GABRA1: variants seen among roughly 807,000 people sequenced by gnomAD.
The protein encoded by GABRA1 is gamma-aminobutyric acid receptor subunit alpha-1.
A neutral mutation model predicts 48.9 loss-of-function variants in GABRA1; 9 were observed. The observed-to-expected ratio is 0.18, with a 90% CI of 0.11 to 0.32. The LOEUF (loss-of-function observed/expected upper bound fraction) is 0.32. GABRA1 is among the 10% of genes least tolerant of loss of function. GABRA1 has a pLI of 1.00. For missense variants in GABRA1, 285 were observed against 553.8 expected (o/e 0.51, Z 4.87); for synonymous variants, 210 against 198.7 (o/e 1.06, Z -0.48).
intron 6 of GABRA1, among the ~76,000 whole-genome samples, chr5:161,879,170 A>G (rs1754499554): frequency 6.6e-6 from 1 of 152,146 alleles, no homozygotes. Flanking sequence ...GTGCAGTGGC[A>G]CAATCAGGGC....
At chr5:161,863,838 G>C (rs142103709) in intron 3 of GABRA1, among the ~76,000 whole-genome samples, 1 of 151,776 alleles carries the variant, frequency 6.6e-6, no homozygotes, top group Admixed American at 6.6e-5. Flanking sequence ...TAGAGTAGCA[G>C]CCCCAAATAA....
chr5:161,882,834 G>T, intron 7 of GABRA1, 133 bp downstream of exon 7: 1 of 884,512 alleles, frequency 1.1e-6, no homozygotes, highest in Non-Finnish European at 1.8e-6. Context: ...GTTGAGCTGG[G>T]AACTAATGTA....
chr5:161,861,061 A>G (rs1051241285), intron 3 of GABRA1, among the ~76,000 whole-genome samples: 15 of 151,790 alleles, frequency 9.9e-5, no homozygotes, highest in African/African-American at 3.4e-4. Flanking sequence ...ACAGAATGCC[A>G]TTTTTGGAAA....
chr5:161,882,389 A>G lies in GABRA1; in HGVS notation c.560-169A>G. The G allele has an allele frequency of 9.7e-6, 6 of 621,318 alleles. No individual in the cohort carries two copies. The South Asian group carries it at 1.2e-4, about 12-fold the overall frequency. The allele number at this position is 621,318 out of a possible 1,614,324, so 38.5% of individuals were successfully genotyped here. A position where few individuals can be genotyped will look rare whatever the true frequency, so the allele number is the denominator to read the frequency against. On this transcript the variant is annotated intron_variant, in intron 6 of 9. Coordinates refer to ENST00000393943, the MANE Select transcript of GABRA1 (RefSeq NM_001127644.2). ...GTGAATAAATGACTAAAAAAAAAAA[A>G]TCAGAAAACGTGTTTTAGTTTTTGT...
At chr5:161,860,558 A>T (rs2113333978) in intron 3 of GABRA1, among the ~76,000 whole-genome samples, 1 of 151,972 alleles carries the variant, frequency 6.6e-6, no homozygotes, top group South Asian at 2.1e-4. Flanking sequence ...AATGACTAAG[A>T]CCTAGTATTT....
intron 7 of GABRA1, among the ~76,000 whole-genome samples, chr5:161,889,833 T>C (rs887821658): frequency 2.0e-5 from 3 of 152,116 alleles, no homozygotes; most frequent in African/African-American, 7.2e-5. Context: ...TGATTATCTG[T>C]TCAAAAATGT....
Position 161,897,097 on chromosome 5 carries a change from CTT to C in GABRA1, c.1060-12_1060-11del. 6.2e-7 allele frequency: 1 copy of C among 1,613,394 alleles called. No homozygotes were observed. Among genetic ancestry groups the C allele is most frequent in the Non-Finnish European group, 8.5e-7 (1 of 1,179,446 alleles). ...TGTTTACTAAACAAAATGCATTGCT[CTT>C]TCTTTCTACAGCCAAAGAAAGTAAA... On this transcript the variant is annotated splice_polypyrimidine_tract_variant and intron_variant, in intron 9 of 9. Transcript: ENST00000393943.
At position 161,882,371 on chromosome 5, in the gene GABRA1, A is replaced by C. The variant is rs538527202; in HGVS notation, c.560-187A>C. On this transcript the variant is annotated intron_variant, in intron 6 of 9. Transcript: ENST00000393943. ...TAACCATTTGTTGGAAGAGTGAATA[A>C]ATGACTAAAAAAAAAAAATCAGAAA... 2.2e-5 allele frequency: 11 copies of C among 491,678 alleles called. No individual in the cohort carries two copies. The African/African-American group carries it at 5.0e-4, about 22-fold the overall frequency. 30.5% of individuals were successfully genotyped at this position (491,678 alleles called of 1,614,324 possible). A position where few individuals can be genotyped will look rare whatever the true frequency, so the allele number is the denominator to read the frequency against.
At chr5:161,895,533 C>A (rs771842604) in intron 8 of GABRA1, 133 bp from the exon 9 acceptor site, 39 of 822,608 alleles carry the variant, frequency 4.7e-5, no homozygotes, top group Non-Finnish European at 6.8e-5. Context: ...AATTCTAAAC[C>A]AAAATAAGAT....
Position 161,897,474 on chromosome 5 carries a change from T to C in GABRA1, c.*52T>C, listed in dbSNP as rs1397261000. On this transcript the variant is annotated 3_prime_UTR_variant, in exon 10 of 10. Transcript: ENST00000393943. ...GTCCTCTGCACTGGGAATTTATTTATGTTCTCAACGCAGTAATTCCCATCT... is the reference window on the plus strand; with the variant it reads ...GTCCTCTGCACTGGGAATTTATTTACGTTCTCAACGCAGTAATTCCCATCT... 1.4e-6 allele frequency: 2 copies of C among 1,477,580 alleles called. No homozygotes were observed. The highest frequency in any genetic ancestry group is 1.9e-6 in the Non-Finnish European group (2 of 1,058,066). 91.5% of individuals were successfully genotyped at this position (1,477,580 alleles called of 1,614,324 possible).
rs1253745357 is a variant in GABRA1, at chr5:161,873,103, C to G, written c.256-14C>G. On this transcript the variant is annotated splice_polypyrimidine_tract_variant and intron_variant, in intron 4 of 9. Coordinates refer to ENST00000393943, the MANE Select transcript of GABRA1 (RefSeq NM_001127644.2). The stretch of plus-strand genomic sequence containing the variant: ...AGCACAGTGAACTCTTCGTCATTTT[C>G]CAAAATTACCTAGGAATATACAATA... The G allele has an allele frequency of 6.3e-7, 1 of 1,582,864 alleles. No homozygotes were observed. Among genetic ancestry groups the G allele is most frequent in the South Asian group, 1.1e-5 (1 of 90,440 alleles).
At chr5:161,893,334 A>G (rs1027530059) in intron 8 of GABRA1, among the ~76,000 whole-genome samples, 1 of 151,992 alleles carries the variant, frequency 6.6e-6, no homozygotes, top group Non-Finnish European at 1.5e-5. Context: ...TTCAAGTTTT[A>G]TGTTTCTAAT....
At chr5:161,848,491 A>G in intron 1 of GABRA1, 69 bp downstream of exon 1, 1 of 89,662 alleles carries the variant, frequency 1.1e-5, no homozygotes, top group Non-Finnish European at 2.0e-5. Context: ...CTGGAGAGAC[A>G]GGAATGTTAT....
intron 7 of GABRA1, among the ~76,000 whole-genome samples, chr5:161,888,179 A>T (rs1270957443): frequency 6.6e-6 from 1 of 152,146 alleles, no homozygotes; most frequent in African/African-American, 2.4e-5. Context: ...GAGGGAAAAT[A>T]ATTTGACATG....
intron 7 of GABRA1, 67 bp from the exon 8 acceptor site, chr5:161,890,831 T>TA: frequency 1.4e-6 from 2 of 1,433,560 alleles, no homozygotes; most frequent in East Asian, 4.6e-5. Flanking sequence ...GTACTCATAG[T>TA]AAACCTCAGA....
chr5:161,880,235 G>A (rs368995760), intron 6 of GABRA1, among the ~76,000 whole-genome samples: 1 of 151,972 alleles, frequency 6.6e-6, no homozygotes, highest in South Asian at 2.1e-4. Flanking sequence ...GACTTTTGAG[G>A]CATTTGCAAA....
chr5:161,873,161 A>C lies in GABRA1; in HGVS notation c.300A>C (p.Glu100Asp). 4 of 1,613,810 alleles carry C rather than the reference A, an allele frequency of 2.5e-6. No individual in the cohort carries two copies. Among genetic ancestry groups the C allele is most frequent in the Non-Finnish European group, 3.4e-6 (4 of 1,179,734 alleles). The stretch of plus-strand genomic sequence containing the variant: ...TTTTCCGTCAAAGCTGGAAGGATGA[A>C]AGGTTAAAATTTAAAGGACCTATGA... The part of the protein sequence containing the change: ...DVFFRQSWKD[E>D]RLKFKGPMTV... Residue 100 changes from glutamate (E) to aspartate (D), a missense_variant, in exon 5 of 10, where the codon GAA becomes GAC. Physicochemically the swap from Glu to Asp is conservative, Grantham distance 45 (BLOSUM62 2). This residue lies in a region of GABRA1 where 105 missense variants were observed against 267.4 expected (regional missense o/e 0.39). Transcript: ENST00000393943.
Position 161,882,622 on chromosome 5 carries a change from A to T in GABRA1, c.624A>T (p.Val208=). The T allele has an allele frequency of 6.2e-7, 1 of 1,613,704 alleles. No individual in the cohort carries two copies. Residue 208 remains valine (V), a synonymous_variant, in exon 7 of 10, where the codon GTA becomes GTT. Coordinates refer to ENST00000393943, the MANE Select transcript of GABRA1 (RefSeq NM_001127644.2). ...WTREPARSVV[V]AEDGSRLNQY... is the part of the protein sequence containing the mutation. ...GAGAGCCAGCACGCTCAGTGGTTGT[A>T]GCAGAAGATGGATCACGTCTAAACC...
chr5:161,883,711 C>A (rs1055639010), intron 7 of GABRA1, among the ~76,000 whole-genome samples: 1 of 151,992 alleles, frequency 6.6e-6, no homozygotes, highest in African/African-American at 2.4e-5. Flanking sequence ...AAAAAAACTT[C>A]TTCTGATTTC....
Sources: gnomAD v4.1 joint callset for allele counts (sites outside exome capture counted in the v4.1 genomes callset) on GRCh38, gnomAD v4.1.1 for gene constraint, gnomAD v4.1.1 regional missense constraint, MANE v1.5 for transcripts, NCBI Gene and HGNC (gene_info 2026-07-23, HGNC 2026-07-21) for gene names.